EFL1: variants seen among roughly 807,000 people sequenced by gnomAD.
EFL1 encodes the protein elongation factor-like GTPase 1.
Under a neutral mutation model 126.7 loss-of-function variants are expected in EFL1, and 76 were observed. The observed-to-expected ratio is 0.60, with a 90% CI of 0.50 to 0.73. The LOEUF (loss-of-function observed/expected upper bound fraction) is 0.73. EFL1 is among the 30% of genes least tolerant of loss of function. The probability of loss-of-function intolerance (pLI) is 0.00; values close to 1 mark genes in which losing one functional copy is unlikely to be tolerated. For synonymous variants in EFL1, 410 were observed against 448.4 expected (o/e 0.91, Z 1.08); for missense variants, 1,128 against 1,343.2 (o/e 0.84, Z 2.50).
intron 1 of EFL1, 34 bp from the exon 2 acceptor site, chr15:82,261,831 A>C: frequency 6.5e-7 from 1 of 1,546,178 alleles, no homozygotes; most frequent in South Asian, 1.2e-5. Context: ...AATGGCCCAG[A>C]GGCTAAAGGT....
At position 82,154,241 on chromosome 15, in the gene EFL1, G is replaced by A. The variant is rs572772004; in HGVS notation, c.2031-1818C>T. On this transcript the variant is annotated intron_variant, in intron 17 of 19. Transcript: ENST00000268206. ...CCTGTGATGACACTAAAAAAAGTGC[G>A]GTAGGCTCAGGCTACATCATGGCAA... Among the ~76,000 whole-genome samples the A allele has an allele frequency of 1.7e-3, 255 of 152,222 alleles. 1 individual carries two copies. Among genetic ancestry groups the A allele is most frequent in the South Asian group, 4.8e-3 (23 of 4,832 alleles).
At chr15:82,155,403 G>A (rs557167794) in intron 17 of EFL1, among the ~76,000 whole-genome samples, 13 of 152,252 alleles carry the variant, frequency 8.5e-5, no homozygotes, top group East Asian at 3.9e-4. Flanking sequence ...TCAGGAGGCC[G>A]AGGCAGGAGA....
intron 17 of EFL1, among the ~76,000 whole-genome samples, chr15:82,154,094 T>C (rs769496970): frequency 6.6e-6 from 1 of 152,160 alleles, no homozygotes; most frequent in African/African-American, 2.4e-5. Flanking sequence ...AGAAGTCTCC[T>C]GTAGTAATCA....
At chr15:82,181,020 T>C (rs969410754) in intron 15 of EFL1, among the ~76,000 whole-genome samples, 4 of 152,112 alleles carry the variant, frequency 2.6e-5, no homozygotes, top group Admixed American at 6.5e-5. Flanking sequence ...GAGCCACCGC[T>C]CCTGGCCTAA....
chr15:82,144,959 CTCCA>C (rs2073827295), intron 18 of EFL1, among the ~76,000 whole-genome samples: 2 of 150,746 alleles, frequency 1.3e-5, no homozygotes, highest in Non-Finnish European at 2.9e-5. Context: ...TGCCACTGTA[CTCCA>C]GCTGGGCAAC....
chr15:82,201,241 G>T (rs1224063760), intron 15 of EFL1, among the ~76,000 whole-genome samples: 1 of 152,218 alleles, frequency 6.6e-6, no homozygotes, highest in Non-Finnish European at 1.5e-5. Context: ...ATCTTCACCA[G>T]GAATAATTAA....
At chr15:82,245,779 T>TA (rs1453313746) in intron 4 of EFL1, among the ~76,000 whole-genome samples, 2 of 151,620 alleles carry the variant, frequency 1.3e-5, no homozygotes, top group African/African-American at 4.9e-5. Context: ...CAAAAAAATT[T>TA]AAAAAATTAG....
At chr15:82,164,055 G>C (rs2074051702) in intron 15 of EFL1, 71 bp from the exon 16 acceptor site, 1 of 1,578,528 alleles carries the variant, frequency 6.3e-7, no homozygotes, top group Admixed American at 1.7e-5. Flanking sequence ...AAAAACAGCA[G>C]CATCAACCCA....
chr15:82,171,873 TTA>T (rs908328206), intron 15 of EFL1, among the ~76,000 whole-genome samples: 4 of 151,106 alleles, frequency 2.6e-5, no homozygotes, highest in Admixed American at 2.6e-4. Context: ...AAGTTAAAAT[TTA>T]TATATACACA....
At chr15:82,239,285 T>C (rs1049744018) in intron 6 of EFL1, among the ~76,000 whole-genome samples, 9 of 152,078 alleles carry the variant, frequency 5.9e-5, no homozygotes, top group Admixed American at 1.3e-4. Flanking sequence ...TACAGGGGCC[T>C]GCTACCACGC....
At chr15:82,213,984 G>A (rs1454976656) in intron 15 of EFL1, among the ~76,000 whole-genome samples, 1 of 152,176 alleles carries the variant, frequency 6.6e-6, no homozygotes, top group African/African-American at 2.4e-5. Flanking sequence ...AACAGACTAG[G>A]CCTTTTTTAA....
intron 4 of EFL1, among the ~76,000 whole-genome samples, chr15:82,249,667 C>T (rs2075003855): frequency 1.3e-5 from 2 of 151,994 alleles, no homozygotes; most frequent in African/African-American, 4.8e-5. Context: ...TGTATGGTAT[C>T]CTTGTGGGTG....
chr15:82,238,822 T>C (rs2074901176), intron 6 of EFL1, among the ~76,000 whole-genome samples: 1 of 152,202 alleles, frequency 6.6e-6, no homozygotes, highest in African/African-American at 2.4e-5. Context: ...AGGCCTAGTA[T>C]CACAAAGTAC....
At chr15:82,190,565 A>C (rs1268151625) in intron 15 of EFL1, among the ~76,000 whole-genome samples, 1 of 152,162 alleles carries the variant, frequency 6.6e-6, no homozygotes, top group Non-Finnish European at 1.5e-5. Flanking sequence ...AAGTGTTCAA[A>C]TCGGTGGTCT....
chr15:82,175,761 G>A (rs549730865), intron 15 of EFL1, among the ~76,000 whole-genome samples: 8 of 152,232 alleles, frequency 5.3e-5, no homozygotes, highest in Non-Finnish European at 1.0e-4. Context: ...GCTGAGGTGG[G>A]AGAATTGCTT....
chr15:82,211,403 G>C (rs548151079), intron 15 of EFL1, among the ~76,000 whole-genome samples: 2 of 151,796 alleles, frequency 1.3e-5, no homozygotes, highest in South Asian at 4.2e-4. Flanking sequence ...GCACATGCCT[G>C]TAGTCTCAGC....
intron 19 of EFL1, among the ~76,000 whole-genome samples, chr15:82,136,325 C>A (rs2073721869): frequency 6.6e-6 from 1 of 152,146 alleles, no homozygotes; most frequent in Non-Finnish European, 1.5e-5. Context: ...CATACTATAA[C>A]CCAGTTTTAT....
chr15:82,195,149 G>A (rs2074396215), intron 15 of EFL1, among the ~76,000 whole-genome samples: 1 of 152,100 alleles, frequency 6.6e-6, no homozygotes, highest in Non-Finnish European at 1.5e-5. Context: ...TTATAAACTT[G>A]TCTAACCTCA....
At chr15:82,171,698 C>A (rs1370159697) in intron 15 of EFL1, among the ~76,000 whole-genome samples, 3 of 152,036 alleles carry the variant, frequency 2.0e-5, no homozygotes, top group Non-Finnish European at 4.4e-5. Context: ...ATGGGAACAA[C>A]AGACGCTGTG....
Sources: gnomAD v4.1 joint callset for allele counts (sites outside exome capture counted in the v4.1 genomes callset) on GRCh38, gnomAD v4.1.1 for gene constraint, MANE v1.5 for transcripts, NCBI Gene and HGNC (gene_info 2026-07-23, HGNC 2026-07-21) for gene names.